Variants in LHPP observed in about 807,000 individuals in gnomAD.
LHPP encodes phospholysine phosphohistidine inorganic pyrophosphate phosphatase.
LHPP carries 24 observed loss-of-function variants against 30.3 expected under a neutral mutation model. The ratio of observed to expected loss-of-function variants is 0.79; its 90% CI spans 0.57 to 1.11. The LOEUF (loss-of-function observed/expected upper bound fraction) is 1.11, where lower values mean the gene tolerates loss of function less well. Ranked by LOEUF, LHPP falls within the 50% of genes most tolerant of loss-of-function variation. The pLI, the probability that LHPP is intolerant of heterozygous loss-of-function variation, is 0.00. For missense variants in LHPP, 356 were observed against 367.2 expected (o/e 0.97, Z 0.25); for synonymous variants, 150 against 157.1 (o/e 0.95, Z 0.34).
At position 124,471,492 on chromosome 10, in the gene LHPP, A is replaced by G. The variant is rs1377037880; in HGVS notation, c.125+9505A>G. 1.2e-3 allele frequency among the ~76,000 whole-genome samples: 5 copies of G among 4,274 alleles called. 1 individual carries two copies. The highest frequency in any genetic ancestry group is 2.9e-3 in the South Asian group (1 of 350). 2.8% of individuals were successfully genotyped at this position (4,274 alleles called of 152,430 possible). On this transcript the variant is annotated intron_variant, in intron 1 of 6. Coordinates refer to ENST00000368842, the MANE Select transcript of LHPP (RefSeq NM_022126.4). The stretch of plus-strand genomic sequence containing the variant: ...ATATATTATATATATTTATATATTT[A>G]TATATATTTATATATTATATATATT...
chr10:124,569,008 G>A (rs960099596), intron 6 of LHPP, among the ~76,000 whole-genome samples: 3 of 152,188 alleles, frequency 2.0e-5, no homozygotes, highest in African/African-American at 7.2e-5. Context: ...ATTAAGACAC[G>A]GGCTTGGAGT....
intron 6 of LHPP, among the ~76,000 whole-genome samples, chr10:124,584,185 A>C (rs1246606796): frequency 7.1e-6 from 1 of 141,356 alleles, no homozygotes; most frequent in Non-Finnish European, 1.5e-5. Flanking sequence ...AGCTTGGGCA[A>C]CATAGGGAGA....
chr10:124,502,661 C>A (rs1402141138), intron 5 of LHPP, among the ~76,000 whole-genome samples: 1 of 145,564 alleles, frequency 6.9e-6, no homozygotes, highest in Non-Finnish European at 1.5e-5. Flanking sequence ...AGCCACCACG[C>A]CCAGCCTTTT....
chr10:124,600,561 C>T (rs1949008024), intron 6 of LHPP, among the ~76,000 whole-genome samples: 1 of 152,264 alleles, frequency 6.6e-6, no homozygotes, highest in Admixed American at 6.5e-5. Flanking sequence ...GTGCTGCAAC[C>T]TAGGTGCCCG....
rs1345963815 is a variant in LHPP, at chr10:124,596,051, C to A, written c.717-17213C>A. On this transcript the variant is annotated intron_variant, in intron 6 of 6. Coordinates refer to ENST00000368842, the MANE Select transcript of LHPP (RefSeq NM_022126.4). This position sits in a 1 kb window ranked among gnomAD's most constrained non-coding sequence, Gnocchi z 4.6. Reference sequence around the variant, plus strand: ...TGGGCTCCTACCCATGAACACCCACCGTTCATTTCATCCGTGTTGTTCTGT... The same window carrying A: ...TGGGCTCCTACCCATGAACACCCACAGTTCATTTCATCCGTGTTGTTCTGT... Among the ~76,000 whole-genome samples, 2 of 152,146 alleles carry A rather than the reference C, an allele frequency of 1.3e-5. No homozygotes were observed. Among genetic ancestry groups the A allele is most frequent in the African/African-American group, 4.8e-5 (2 of 41,422 alleles).
At chr10:124,575,759 C>T (rs983728907) in intron 6 of LHPP, among the ~76,000 whole-genome samples, 2 of 152,150 alleles carry the variant, frequency 1.3e-5, no homozygotes, top group African/African-American at 4.8e-5. Context: ...GATCTGTGTC[C>T]CCTGCACTCT....
At chr10:124,554,067 C>T (rs1292354662) in intron 6 of LHPP, 8 of 985,316 alleles carry the variant, frequency 8.1e-6, no homozygotes, top group Middle Eastern at 5.2e-4. Flanking sequence ...AGTTGCGGGG[C>T]GGTGGTCAGC....
In LHPP at chr10:124,596,488, A is replaced by G. The variant is rs1483281723; in HGVS notation, c.717-16776A>G. Among the ~76,000 whole-genome samples the G allele has an allele frequency of 6.6e-6, 1 of 152,172 alleles. No homozygotes were observed. Among genetic ancestry groups the G allele is most frequent in the African/African-American group, 2.4e-5 (1 of 41,440 alleles). ...GTCATTTCCTTCCTGAGGGGCCTGC[A>G]TGAATCCCTTTTAGGTGGAACACAC... On this transcript the variant is annotated intron_variant, in intron 6 of 6. Coordinates refer to ENST00000368842, the MANE Select transcript of LHPP (RefSeq NM_022126.4). The surrounding 1 kb of genome is among the most constrained non-coding windows in gnomAD (Gnocchi z 4.6).
chr10:124,590,964 C>G lies in LHPP; in HGVS notation c.717-22300C>G, dbSNP rs756315878. Among the ~76,000 whole-genome samples, 4 of 152,238 alleles carry G rather than the reference C, an allele frequency of 2.6e-5. No individual in the cohort carries two copies. Among genetic ancestry groups the G allele is most frequent in the Non-Finnish European group, 5.9e-5 (4 of 68,036 alleles). ...CTCAGACAGAAGCAGTCTCGCCCATCCTGGGGCCTGAGAGCATCATTCCTT... is the reference window on the plus strand; with the variant it reads ...CTCAGACAGAAGCAGTCTCGCCCATGCTGGGGCCTGAGAGCATCATTCCTT... On this transcript the variant is annotated intron_variant, in intron 6 of 6. Transcript: ENST00000368842. This position sits in a 1 kb window ranked among gnomAD's most constrained non-coding sequence, Gnocchi z 4.3.
chr10:124,567,112 C>G (rs190605176), intron 6 of LHPP, among the ~76,000 whole-genome samples: 4 of 152,234 alleles, frequency 2.6e-5, no homozygotes. Flanking sequence ...CAGAACTCCA[C>G]GAGCTCAGAG....
intron 6 of LHPP, among the ~76,000 whole-genome samples, chr10:124,525,960 C>T (rs1220920057): frequency 3.3e-5 from 5 of 152,126 alleles, no homozygotes; most frequent in Admixed American, 6.5e-5. Context: ...AGGTGGAGGC[C>T]GGGAGGTGGC....
At chr10:124,572,428 C>A (rs1046779690) in intron 6 of LHPP, among the ~76,000 whole-genome samples, 1 of 152,028 alleles carries the variant, frequency 6.6e-6, no homozygotes, top group Non-Finnish European at 1.5e-5. Flanking sequence ...GTCAGGAATT[C>A]GAGACCAGCC....
chr10:124,550,086 G>A (rs1955443767), intron 6 of LHPP, among the ~76,000 whole-genome samples: 1 of 152,238 alleles, frequency 6.6e-6, no homozygotes, highest in Non-Finnish European at 1.5e-5. Flanking sequence ...AGAACTAAGG[G>A]CCTCCGAGCC....
intron 5 of LHPP, among the ~76,000 whole-genome samples, chr10:124,502,514 G>A (rs975844002): frequency 6.6e-6 from 1 of 151,288 alleles, no homozygotes; most frequent in Non-Finnish European, 1.5e-5. Flanking sequence ...GCAGGCGCCC[G>A]CCACCATGCC....
intron 1 of LHPP, among the ~76,000 whole-genome samples, chr10:124,470,195 G>A (rs1487612181): frequency 1.3e-5 from 2 of 152,098 alleles, no homozygotes; most frequent in Non-Finnish European, 2.9e-5. Flanking sequence ...GCCGGCCTCG[G>A]GGCCCTGGGC....
intron 6 of LHPP, among the ~76,000 whole-genome samples, chr10:124,595,390 G>T (rs1024059395): frequency 6.6e-6 from 1 of 152,222 alleles, no homozygotes; most frequent in Non-Finnish European, 1.5e-5. Flanking sequence ...ATTGGAGATG[G>T]CCAGGAGTCT....
intron 6 of LHPP, among the ~76,000 whole-genome samples, chr10:124,529,687 G>C (rs1318208979): frequency 6.6e-6 from 1 of 152,104 alleles, no homozygotes; most frequent in Non-Finnish European, 1.5e-5. Flanking sequence ...GAGGACGAGG[G>C]GCCACGCCCT....
intron 6 of LHPP, among the ~76,000 whole-genome samples, chr10:124,537,037 A>C (rs1025033892): frequency 6.6e-6 from 1 of 152,244 alleles, no homozygotes; most frequent in African/African-American, 2.4e-5. Flanking sequence ...TCTAGCACTT[A>C]GAATGTGCTA....
intron 6 of LHPP, among the ~76,000 whole-genome samples, chr10:124,540,558 G>C (rs1474885488): frequency 6.6e-6 from 1 of 152,220 alleles, no homozygotes; most frequent in African/African-American, 2.4e-5. Context: ...CTTAAGCTGA[G>C]TTTTGCCTTT....
Sources: gnomAD v4.1 joint callset for allele counts (sites outside exome capture counted in the v4.1 genomes callset) on GRCh38, gnomAD v4.1.1 for gene constraint, Gnocchi (gnomAD v3.1) non-coding constraint, MANE v1.5 for transcripts, NCBI Gene and HGNC (gene_info 2026-07-23, HGNC 2026-07-21) for gene names.